TSC22D4: variants seen among roughly 807,000 people sequenced by gnomAD.
The protein encoded by TSC22D4 is TSC22 domain family protein 4.
A neutral mutation model predicts 24.9 loss-of-function variants in TSC22D4; 5 were observed. That is an observed-to-expected ratio of 0.20 (90% CI 0.10 to 0.42). The LOEUF (loss-of-function observed/expected upper bound fraction) is 0.42, where lower values mean the gene tolerates loss of function less well. Among genes scored for constraint, TSC22D4 ranks in the 10% least tolerant of loss-of-function variants. The pLI is 1.00. For missense variants in TSC22D4, 469 were observed against 547.9 expected (o/e 0.86, Z 1.44); for synonymous variants, 245 against 243.2 (o/e 1.01, Z -0.07).
At chr7:100,475,277 G>A (rs1799474529) in intron 2 of TSC22D4, among the ~76,000 whole-genome samples, 1 of 152,134 alleles carries the variant, frequency 6.6e-6, no homozygotes. Context: ...AGAGACGACA[G>A]GGTTTCACCA....
Position 100,477,364 on chromosome 7 carries a change from T to C in TSC22D4, c.675A>G (p.Ser225=). ...GGGACAGTGGAGGGGTCCTGGCCCC[T>C]GAGCCCCCAGCCTCCGCTTCCACCC... ...SLRVEAEAGG[S]GARTPPLSRR... is the part of the protein sequence containing the mutation. The change falls in exon 2 of 5, where the codon TCA becomes TCG. Residue 225 remains serine, a synonymous_variant. Coordinates refer to ENST00000300181, the MANE Select transcript of TSC22D4 (RefSeq NM_030935.5). The surrounding 1 kb of genome is among the most constrained non-coding windows in gnomAD (Gnocchi z 7.8). The C allele has an allele frequency of 6.3e-7, 1 of 1,585,660 alleles. No homozygotes were observed. The highest frequency in any genetic ancestry group is 8.6e-7 in the Non-Finnish European group (1 of 1,166,524).
In TSC22D4 at chr7:100,477,883, C is replaced by A. The variant is rs763074837; in HGVS notation, c.156G>T (p.Pro52=). 1.3e-6 allele frequency: 2 copies of A among 1,545,306 alleles called. No homozygotes were observed. Among genetic ancestry groups the A allele is most frequent in the Middle Eastern group, 1.8e-4 (1 of 5,604 alleles). Residue 52 remains proline (P), a synonymous_variant, in exon 2 of 5, where the codon CCG becomes CCT. Transcript: ENST00000300181. This position sits in a 1 kb window ranked among gnomAD's most constrained non-coding sequence, Gnocchi z 7.8. ...RLPNGEPSPD[P]GGKGTPRNGS... ...CATTCCGGGGGGTGCCCTTGCCCCC[C>A]GGATCGGGGCTGGGCTCCCCATTGG... is the stretch of plus-strand genomic sequence containing the variant.
Position 100,474,524 on chromosome 7 carries a change from T to G in TSC22D4, c.763-84A>C, listed in dbSNP as rs1799456908. 2.0e-6 allele frequency: 3 copies of G among 1,497,498 alleles called. No homozygotes were observed. Among genetic ancestry groups the G allele is most frequent in the Non-Finnish European group, 2.7e-6 (3 of 1,102,310 alleles). 92.8% of individuals were successfully genotyped at this position (1,497,498 alleles called of 1,614,324 possible). On this transcript the variant is annotated intron_variant, in intron 2 of 4. Coordinates refer to ENST00000300181, the MANE Select transcript of TSC22D4 (RefSeq NM_030935.5). The surrounding 1 kb of genome is among the most constrained non-coding windows in gnomAD (Gnocchi z 4.3). Reference sequence around the variant, plus strand: ...CTTAAAACTTGCCTATTAGCCTTCCTCCCTCTCCACCTCCCCACTCTCTTT... The same window carrying G: ...CTTAAAACTTGCCTATTAGCCTTCCGCCCTCTCCACCTCCCCACTCTCTTT...
At chr7:100,468,950 G>A (rs1799341776) in intron 3 of TSC22D4, among the ~76,000 whole-genome samples, 1 of 149,774 alleles carries the variant, frequency 6.7e-6, no homozygotes, top group African/African-American at 2.5e-5. Context: ...AAAAAGCCAG[G>A]TGTGGTGGCT....
At position 100,467,587 on chromosome 7, in the gene TSC22D4, G is replaced by A. The variant is rs748305633; in HGVS notation, c.943C>T (p.Leu315=). 1.1e-5 allele frequency: 17 copies of A among 1,613,976 alleles called. No homozygotes were observed. Among genetic ancestry groups the A allele is most frequent in the Non-Finnish European group, 1.4e-5 (16 of 1,179,988 alleles). The change falls in exon 4 of 5, where the codon CTG becomes TTG. Residue 315 remains leucine (L), a synonymous_variant. Transcript: ENST00000300181. ...TCGATTTTGTTGTCAATGCCAACCA[G>A]GCTTCCGGAGCCACTGGAGAGACAC... ...DSDDDSGSGS[L]VGIDNKIEQA...
In TSC22D4 at chr7:100,477,816, C is replaced by T; in HGVS notation, c.223G>A (p.Val75Met). 6.2e-7 allele frequency: 1 copy of T among 1,607,002 alleles called. No individual in the cohort carries two copies. The highest frequency in any genetic ancestry group is 1.1e-5 in the South Asian group (1 of 90,720). Residue 75 changes from valine (V) to methionine (M), a missense_variant, in exon 2 of 5, where the codon GTG (valine) becomes ATG (methionine). Val to Met is a conservative substitution (Grantham distance 21). Coordinates refer to ENST00000300181, the MANE Select transcript of TSC22D4 (RefSeq NM_030935.5). This position sits in a 1 kb window ranked among gnomAD's most constrained non-coding sequence, Gnocchi z 7.8. ...PGAPSSRFRV[V>M]KLPHGLGEPY... ...TCTCCCAGGCCGTGGGGCAGCTTCA[C>T]CACCCGGAAACGGGAGGAAGGGGCC...
rs1183417088 is a variant in TSC22D4 at position 100,477,755 on chromosome 7, A to C, written c.284T>G (p.Val95Gly). 1 of 1,604,512 alleles carries C rather than the reference A, an allele frequency of 6.2e-7. No individual in the cohort carries two copies. Among genetic ancestry groups the C allele is most frequent in the African/African-American group, 1.3e-5 (1 of 74,902 alleles). The change falls in exon 2 of 5, where the codon GTT becomes GGT. Residue 95 changes from valine (V) to glycine (G), a missense_variant. By Grantham distance (109) the Val-to-Gly change is moderately radical (BLOSUM62 -3). Coordinates refer to ENST00000300181, the MANE Select transcript of TSC22D4 (RefSeq NM_030935.5). This position sits in a 1 kb window ranked among gnomAD's most constrained non-coding sequence, Gnocchi z 7.8. ...YRRGRWTCVDVYERDLEPHSF... is the reference protein window; with the variant it reads ...YRRGRWTCVDGYERDLEPHSF... Reference sequence around the variant, plus strand: ...GTGGGGCTCCAGGTCTCGCTCATAAACATCCACACACGTCCAGCGACCGCG... The same window carrying C: ...GTGGGGCTCCAGGTCTCGCTCATAACCATCCACACACGTCCAGCGACCGCG...
At chr7:100,467,264 C>A in intron 4 of TSC22D4, 96 bp from the exon 5 acceptor site, 1 of 1,306,372 alleles carries the variant, frequency 7.7e-7, no homozygotes, top group Non-Finnish European at 1.1e-6. Flanking sequence ...TCCCCAGTGT[C>A]CAGAGGATGA....
intron 2 of TSC22D4, among the ~76,000 whole-genome samples, chr7:100,476,114 G>A (rs1445566158): frequency 1.3e-5 from 2 of 152,050 alleles, no homozygotes; most frequent in African/African-American, 4.8e-5. Flanking sequence ...TAAGGACAGA[G>A]AGCAGGGAAG....
At chr7:100,469,175 C>T (rs1484184260) in intron 3 of TSC22D4, among the ~76,000 whole-genome samples, 2 of 150,300 alleles carry the variant, frequency 1.3e-5, no homozygotes, top group East Asian at 3.9e-4. Flanking sequence ...TGCAGTGAGC[C>T]GAGATCGTGC....
Position 100,477,701 on chromosome 7 carries a change from C to G in TSC22D4, c.338G>C (p.Arg113Pro), listed in dbSNP as rs1248666431. The change falls in exon 2 of 5, where the codon CGA (arginine) becomes CCA (proline). Residue 113 changes from arginine (R) to proline (P), a missense_variant. Physicochemically the swap from Arg to Pro is moderately radical, Grantham distance 103. Transcript: ENST00000300181. This position sits in a 1 kb window ranked among gnomAD's most constrained non-coding sequence, Gnocchi z 7.8. ...GCCCCCGGCGCCCCCTGAGGCCCCT[C>G]GAATTCCCTCCAGGAGTCCGCCGAA... ...HSFGGLLEGI[R>P]GASGGAGGRS... The G allele has an allele frequency of 6.3e-7, 1 of 1,596,556 alleles. No homozygotes were observed. The highest frequency in any genetic ancestry group is 1.3e-5 in the African/African-American group (1 of 74,862).
Position 100,478,020 on chromosome 7 carries a change from T to C in TSC22D4, c.19A>G (p.Lys7Glu). The C allele has an allele frequency of 6.3e-7, 1 of 1,591,612 alleles. No individual in the cohort carries two copies. Residue 7 changes from lysine to glutamate, a missense_variant, in exon 2 of 5, where the codon AAG (lysine) becomes GAG (glutamate). Coordinates refer to ENST00000300181, the MANE Select transcript of TSC22D4 (RefSeq NM_030935.5). ...ACGCTGGTGATTTGGAAACTACTCTTCTTCTTGCCCCCGCTCATGGTCCCT... is the reference window on the plus strand; with the variant it reads ...ACGCTGGTGATTTGGAAACTACTCTCCTTCTTGCCCCCGCTCATGGTCCCT... The part of the protein sequence containing the change: MSGGKK[K>E]SSFQITSVTT...
At chr7:100,467,446 G>T in intron 4 of TSC22D4, 106 bp downstream of exon 4, 1 of 1,252,720 alleles carries the variant, frequency 8.0e-7, no homozygotes, top group South Asian at 1.2e-5. Context: ...GAGAGGGACG[G>T]AGGAGCTGGG....
intron 3 of TSC22D4, among the ~76,000 whole-genome samples, chr7:100,473,428 T>G (rs578142077): frequency 1.3e-5 from 2 of 152,062 alleles, no homozygotes; most frequent in African/African-American, 2.4e-5. Flanking sequence ...TGATTTCCAT[T>G]CTTTTTCAGT....
chr7:100,474,122 C>T lies in TSC22D4; in HGVS notation c.929+152G>A. 2.1e-6 allele frequency: 2 copies of T among 935,686 alleles called. No individual in the cohort carries two copies. Among genetic ancestry groups the T allele is most frequent in the East Asian group, 2.6e-5 (1 of 38,158 alleles). 58.0% of individuals were successfully genotyped at this position (935,686 alleles called of 1,614,324 possible). On this transcript the variant is annotated intron_variant, in intron 3 of 4. Coordinates refer to ENST00000300181, the MANE Select transcript of TSC22D4 (RefSeq NM_030935.5). The surrounding 1 kb of genome is among the most constrained non-coding windows in gnomAD (Gnocchi z 4.3). ...GAGTGGGTCCGAAATCAACTGTGTG[C>T]AGTGGCTATGCCCAGGCCAGGTTTC...
rs1799300829 is a variant in TSC22D4 at position 100,467,319 on chromosome 7, G to A, written c.979-151C>T. The A allele has an allele frequency of 4.4e-6, 4 of 914,528 alleles. No individual in the cohort carries two copies. The African/African-American group carries it at 4.9e-5, about 11-fold the overall frequency. 56.7% of individuals were successfully genotyped at this position (914,528 alleles called of 1,614,324 possible). Reference sequence around the variant, plus strand: ...ACAGGGGAAAAGGACGAGGGACAGAGGCAGAGTCAGGGCTCAAAGACAGAG... The same window carrying A: ...ACAGGGGAAAAGGACGAGGGACAGAAGCAGAGTCAGGGCTCAAAGACAGAG... On this transcript the variant is annotated intron_variant, in intron 4 of 4. Coordinates refer to ENST00000300181, the MANE Select transcript of TSC22D4 (RefSeq NM_030935.5).
At chr7:100,473,472 C>T (rs1249154942) in intron 3 of TSC22D4, among the ~76,000 whole-genome samples, 9 of 151,536 alleles carry the variant, frequency 5.9e-5, no homozygotes, top group Non-Finnish European at 1.2e-4. Flanking sequence ...GGCGGAGTCT[C>T]GCTCTGTCAC....
intron 2 of TSC22D4, among the ~76,000 whole-genome samples, chr7:100,476,017 G>A (rs1023088334): frequency 2.0e-5 from 3 of 151,458 alleles, no homozygotes; most frequent in African/African-American, 4.9e-5. Flanking sequence ...ACAGAAGACC[G>A]TCAGGAGGTG....
In TSC22D4 at chr7:100,474,218, G is replaced by A; in HGVS notation, c.929+56C>T. 6.3e-7 allele frequency: 1 copy of A among 1,596,670 alleles called. No homozygotes were observed. Among genetic ancestry groups the A allele is most frequent in the South Asian group, 1.1e-5 (1 of 90,296 alleles). On this transcript the variant is annotated intron_variant, in intron 3 of 4. Coordinates refer to ENST00000300181, the MANE Select transcript of TSC22D4 (RefSeq NM_030935.5). The surrounding 1 kb of genome is among the most constrained non-coding windows in gnomAD (Gnocchi z 4.3). ...CAGGCACTTTCTTACAGCTACCCCG[G>A]GTGCTGGGCGGGGAACCTGAACCCC...
Sources: gnomAD v4.1 joint callset for allele counts (sites outside exome capture counted in the v4.1 genomes callset) on GRCh38, gnomAD v4.1.1 for gene constraint, Gnocchi (gnomAD v3.1) non-coding constraint, MANE v1.5 for transcripts, NCBI Gene and HGNC (gene_info 2026-07-23, HGNC 2026-07-21) for gene names.